Variants in AKR1C8 observed in about 807,000 individuals in gnomAD.
The protein encoded by AKR1C8 is aldo-keto reductase family 1 member C-like protein 1.
the AKR1C8 span, among the ~76,000 whole-genome samples, chr10:5,134,326 T>C: frequency 2.0e-5 from 3 of 152,186 alleles, no homozygotes; most frequent in Non-Finnish European, 4.4e-5. Context: ...TGTAAATTCT[T>C]ACAATGTACA....
At chr10:5,149,068 T>A in the AKR1C8 span, among the ~76,000 whole-genome samples, 42,314 of 151,896 alleles carry the variant, frequency 0.28, 6,738 homozygotes, top group Non-Finnish European at 0.36. Context: ...TATATAGCTG[T>A]TATATATATT....
chr10:5,138,578 A>T, the AKR1C8 span, among the ~76,000 whole-genome samples: 44 of 151,988 alleles, frequency 2.9e-4, no homozygotes, highest in East Asian at 1.7e-3. Context: ...TCTTGAGGCG[A>T]TGTACATCCT....
At chr10:5,184,971 C>T in the AKR1C8 span, 2 of 532,448 alleles carry the variant, frequency 3.8e-6, no homozygotes, top group African/African-American at 3.9e-5. Context: ...CCTGCAAGTA[C>T]AGCTGACCTA....
chr10:5,140,046 A>G, the AKR1C8 span, among the ~76,000 whole-genome samples: 1 of 152,222 alleles, frequency 6.6e-6, no homozygotes, highest in Admixed American at 6.5e-5. Flanking sequence ...ACATGAAAAA[A>G]TGCTCATCAT....
chr10:5,124,970 G>C, the AKR1C8 span, among the ~76,000 whole-genome samples: 7 of 150,896 alleles, frequency 4.6e-5, no homozygotes, highest in Admixed American at 4.0e-4. Context: ...CTAATTTACA[G>C]AAAAGTACCT....
At chr10:5,168,056 G>T in the AKR1C8 span, among the ~76,000 whole-genome samples, 1 of 151,830 alleles carries the variant, frequency 6.6e-6, no homozygotes, top group African/African-American at 2.4e-5. Context: ...TATACACATG[G>T]CATGGCTTTC....
chr10:5,171,270 G>A, the AKR1C8 span, among the ~76,000 whole-genome samples: 4 of 151,934 alleles, frequency 2.6e-5, no homozygotes, highest in African/African-American at 4.8e-5. Flanking sequence ...AATTGCTTAT[G>A]GATAACAAAA....
chr10:5,125,754 C>T, the AKR1C8 span, among the ~76,000 whole-genome samples: 1 of 152,160 alleles, frequency 6.6e-6, no homozygotes, highest in Non-Finnish European at 1.5e-5. Flanking sequence ...GAGTCTATGT[C>T]ACTTCCTTGA....
chr10:5,173,204 TG>T, the AKR1C8 span, among the ~76,000 whole-genome samples: 3 of 151,890 alleles, frequency 2.0e-5, no homozygotes, highest in South Asian at 6.2e-4. Flanking sequence ...TTCAGTTAAC[TG>T]GGAAAAAAAA....
At chr10:5,133,961 A>G in the AKR1C8 span, among the ~76,000 whole-genome samples, 1 of 152,204 alleles carries the variant, frequency 6.6e-6, no homozygotes, top group Non-Finnish European at 1.5e-5. Context: ...AAATAAGGAC[A>G]ACTTTTTTAG....
chr10:5,183,858 A>T, the AKR1C8 span, among the ~76,000 whole-genome samples: 1 of 152,224 alleles, frequency 6.6e-6, no homozygotes, highest in African/African-American at 2.4e-5. Context: ...TTTGTCCTTT[A>T]TGCCTAAGAC....
At chr10:5,184,832 C>T in the AKR1C8 span, among the ~76,000 whole-genome samples, 2 of 152,258 alleles carry the variant, frequency 1.3e-5, no homozygotes, top group Non-Finnish European at 2.9e-5. Context: ...ACTTGCCATG[C>T]CACTTAAAGC....
At chr10:5,176,537 G>T in the AKR1C8 span, among the ~76,000 whole-genome samples, 120 of 150,532 alleles carry the variant, frequency 8.0e-4, 1 homozygote, top group African/African-American at 2.8e-3. Context: ...AGCTTGATGG[G>T]GATGGCATTG....
At chr10:5,152,551 A>G in the AKR1C8 span, among the ~76,000 whole-genome samples, 2 of 152,178 alleles carry the variant, frequency 1.3e-5, no homozygotes, top group Non-Finnish European at 2.9e-5. Flanking sequence ...AGGACTCTAG[A>G]AAACCTCATC....
At chr10:5,143,466 T>C in the AKR1C8 span, among the ~76,000 whole-genome samples, 1 of 152,130 alleles carries the variant, frequency 6.6e-6, no homozygotes, top group Non-Finnish European at 1.5e-5. Context: ...ATTTCAGGCC[T>C]TCACAGTTGG....
the AKR1C8 span, among the ~76,000 whole-genome samples, chr10:5,137,539 A>T: frequency 6.6e-6 from 1 of 152,100 alleles, no homozygotes; most frequent in East Asian, 1.9e-4. Context: ...GCCTTCGACA[A>T]AATTCAACCC....
the AKR1C8 span, among the ~76,000 whole-genome samples, chr10:5,130,073 G>A: frequency 6.6e-6 from 1 of 151,988 alleles, no homozygotes; most frequent in Non-Finnish European, 1.5e-5. Context: ...AATACATCAT[G>A]ATCAAGTGGG....
the AKR1C8 span, among the ~76,000 whole-genome samples, chr10:5,175,247 T>A: frequency 1.3e-5 from 2 of 151,908 alleles, no homozygotes; most frequent in African/African-American, 4.8e-5. Flanking sequence ...GTCCTTGCGA[T>A]AGTTTACTGA....
the AKR1C8 span, among the ~76,000 whole-genome samples, chr10:5,163,648 T>C: frequency 6.6e-6 from 1 of 152,220 alleles, no homozygotes; most frequent in South Asian, 2.1e-4. Context: ...TTAGGGTGGG[T>C]TCTTGGTAAA....
Sources: allele counts gnomAD v4.1 joint callset (sites outside exome capture counted in the v4.1 genomes callset), GRCh38; gene constraint gnomAD v4.1.1; transcripts MANE v1.5; gene names NCBI Gene and HGNC (gene_info 2026-07-23, HGNC 2026-07-21).